Variants in CRADD observed in about 807,000 individuals in gnomAD.
CRADD encodes the protein CARD and death domain containing adaptor protein.
In CRADD, 9 loss-of-function variants were observed where a neutral mutation model predicts 15.5. The observed-to-expected ratio is 0.58, with a 90% CI of 0.35 to 1.01. CRADD has a LOEUF of 1.01. Among genes scored for constraint, CRADD ranks in the 50% least tolerant of loss-of-function variants. The pLI is 0.02. For synonymous variants in CRADD, 118 were observed against 107.6 expected, an observed-to-expected ratio of 1.10 and a Z score of -0.60; for missense variants, 227 against 250.3, an observed-to-expected ratio of 0.91 and a Z score of 0.63.
intron 2 of CRADD, among the ~76,000 whole-genome samples, chr12:93,723,512 A>G (rs1956301692): frequency 6.6e-6 from 1 of 152,192 alleles, no homozygotes; most frequent in African/African-American, 2.4e-5. Context: ...ACCAATCAGC[A>G]TTCCCTATTC....
rs34041721 is a variant in CRADD at position 93,746,782 on chromosome 12, AT to A, written c.298+67725del. Among the ~76,000 whole-genome samples the A allele has an allele frequency of 7.3e-3, 1,057 of 143,996 alleles. 3 individuals carry two copies. The highest frequency in any genetic ancestry group is 0.021 in the South Asian group (95 of 4,536). The allele number at this position is 143,996 out of a possible 152,430, so 94.5% of individuals were successfully genotyped here. A position where few individuals can be genotyped will look rare whatever the true frequency, so the allele number is the denominator to read the frequency against. On this transcript the variant is annotated intron_variant, in intron 2 of 2. Transcript: ENST00000332896. The stretch of plus-strand genomic sequence containing the variant: ...TGAGACCAGATTTTGCTGAATTTGG[AT>A]TTTTTTTTTTTTTTGAAGAAGGAAA...
At chr12:93,685,168 A>C (rs1438495832) in intron 2 of CRADD, among the ~76,000 whole-genome samples, 1 of 152,104 alleles carries the variant, frequency 6.6e-6, no homozygotes, top group Non-Finnish European at 1.5e-5. Flanking sequence ...TTTTTGTGTC[A>C]ACTTAATGGG....
rs370853126 is a variant in CRADD, at chr12:93,695,082, T to C, written c.298+16010T>C. 7.2e-5 allele frequency among the ~76,000 whole-genome samples: 11 copies of C among 152,336 alleles called. No individual in the cohort carries two copies. The East Asian group carries it at 2.1e-3, about 29-fold the overall frequency. Reference sequence around the variant, plus strand: ...GACTTCAAAATGTGCTACAAAGCTATACTAGTCAGAACAGCATGGTGTTGG... The same window carrying C: ...GACTTCAAAATGTGCTACAAAGCTACACTAGTCAGAACAGCATGGTGTTGG... On this transcript the variant is annotated intron_variant, in intron 2 of 2. Coordinates refer to ENST00000332896, the MANE Select transcript of CRADD (RefSeq NM_003805.5).
intron 2 of CRADD, among the ~76,000 whole-genome samples, chr12:93,893,263 G>A (rs887053395): frequency 6.6e-6 from 1 of 152,160 alleles, no homozygotes; most frequent in Non-Finnish European, 1.5e-5. Context: ...TAGGGCTGTG[G>A]TGGTTCCTTA....
intron 2 of CRADD, among the ~76,000 whole-genome samples, chr12:93,864,344 G>A (rs78539028): frequency 0.041 from 6,316 of 152,200 alleles, 225 homozygotes; most frequent in East Asian, 0.16. Flanking sequence ...ATGAGCCACC[G>A]TGCCCAAGCT....
intron 2 of CRADD, among the ~76,000 whole-genome samples, chr12:93,758,827 G>A (rs1386422287): frequency 6.6e-6 from 1 of 152,090 alleles, no homozygotes; most frequent in Non-Finnish European, 1.5e-5. Context: ...TTAACCTCAA[G>A]CATATAGTCT....
chr12:93,823,558 T>G (rs975656530), intron 2 of CRADD, among the ~76,000 whole-genome samples: 1 of 152,256 alleles, frequency 6.6e-6, no homozygotes, highest in Admixed American at 6.5e-5. Flanking sequence ...CTTTTAAGAA[T>G]TCTCTGCCAC....
At chr12:93,867,403 A>ATATATATATATTTT (rs985334638) in intron 2 of CRADD, among the ~76,000 whole-genome samples, 2 of 143,426 alleles carry the variant, frequency 1.4e-5, no homozygotes, top group East Asian at 2.1e-4. Context: ...ATATATATAT[A>ATATATATATATTTT]TTTTTTAAAC....
chr12:93,879,810 A>G (rs751763008), intron 2 of CRADD, among the ~76,000 whole-genome samples: 1 of 152,216 alleles, frequency 6.6e-6, no homozygotes, highest in Non-Finnish European at 1.5e-5. Context: ...TAGCTGCTCT[A>G]TGTGCCACTG....
At chr12:93,699,725 G>T (rs1955796006) in intron 2 of CRADD, among the ~76,000 whole-genome samples, 1 of 152,108 alleles carries the variant, frequency 6.6e-6, no homozygotes, top group South Asian at 2.1e-4. Flanking sequence ...TCTGTCTGTT[G>T]TTTAGAAGTG....
At chr12:93,885,249 G>T (rs2137075680) in intron 2 of CRADD, among the ~76,000 whole-genome samples, 1 of 152,322 alleles carries the variant, frequency 6.6e-6, no homozygotes, top group Non-Finnish European at 1.5e-5. Context: ...TGCTGAACTT[G>T]TGGTGAACTC....
chr12:93,894,263 T>G, exon 3 of CRADD: 9 of 541,748 alleles, frequency 1.7e-5, no homozygotes, highest in Non-Finnish European at 2.4e-5. Context: ...TCTGTGTATG[T>G]GTGTGGGTGG....
chr12:93,736,949 A>G (rs965066497), intron 2 of CRADD, among the ~76,000 whole-genome samples: 1 of 152,214 alleles, frequency 6.6e-6, no homozygotes, highest in Non-Finnish European at 1.5e-5. Context: ...TCCTCAAGGA[A>G]CTTTGAGTTG....
At chr12:93,785,646 T>C (rs1957269614) in intron 2 of CRADD, among the ~76,000 whole-genome samples, 1 of 152,214 alleles carries the variant, frequency 6.6e-6, no homozygotes, top group African/African-American at 2.4e-5. Flanking sequence ...TGTGAAGTCT[T>C]AGCAGTTCCA....
At chr12:93,805,300 A>G (rs758474680) in intron 2 of CRADD, among the ~76,000 whole-genome samples, 3 of 152,002 alleles carry the variant, frequency 2.0e-5, no homozygotes, top group Non-Finnish European at 4.4e-5. Flanking sequence ...TATATATGTG[A>G]GAAAACTCTA....
rs138773778 is a variant in CRADD at position 93,891,482 on chromosome 12, G to T, written c.299-2568G>T. Among the ~76,000 whole-genome samples, 74 of 152,214 alleles carry T rather than the reference G, an allele frequency of 4.9e-4. No individual in the cohort carries two copies. The Middle Eastern group carries it at 0.014, about 28-fold the overall frequency. ...AGCCTGGGTGACAGAGCGACACTCC[G>T]TGTCAAAAAAAGGGAATAAATCTCT... On this transcript the variant is annotated intron_variant, in intron 2 of 2. Coordinates refer to the CRADD transcript ENST00000548483.
Position 93,859,278 on chromosome 12 carries a change from A to G in CRADD, c.299-34772A>G, listed in dbSNP as rs375064947. The G allele has an allele frequency of 1.8e-4, 83 of 453,860 alleles. 3 individuals carry two copies. Among genetic ancestry groups the G allele is most frequent in the South Asian group, 1.3e-3 (82 of 63,642 alleles). The allele number at this position is 453,860 out of a possible 1,614,324, so 28.1% of individuals were successfully genotyped here. On this transcript the variant is annotated intron_variant, in intron 2 of 2. Coordinates refer to the CRADD transcript ENST00000548483. Reference sequence around the variant, plus strand: ...TTTTTAAAAAGCTATAATCAAATACATTTGTTACTTTTTTTCTGGTTAACT... The same window carrying G: ...TTTTTAAAAAGCTATAATCAAATACGTTTGTTACTTTTTTTCTGGTTAACT...
chr12:93,735,276 G>GC (rs1407872694), intron 2 of CRADD, among the ~76,000 whole-genome samples: 3 of 152,194 alleles, frequency 2.0e-5, no homozygotes, highest in African/African-American at 7.2e-5. Context: ...ACGAAATGGG[G>GC]CAGGTTTCTT....
At chr12:93,866,985 AAG>A (rs1365051990) in intron 2 of CRADD, among the ~76,000 whole-genome samples, 2 of 152,094 alleles carry the variant, frequency 1.3e-5, no homozygotes, top group Non-Finnish European at 1.5e-5. Context: ...TGCTGAGGGA[AAG>A]AGGGGTTAAT....
Sources: gnomAD v4.1 joint callset for allele counts (sites outside exome capture counted in the v4.1 genomes callset) on GRCh38, gnomAD v4.1.1 for gene constraint, MANE v1.5 for transcripts, NCBI Gene and HGNC (gene_info 2026-07-23, HGNC 2026-07-21) for gene names.